The following SETDB1 variants were observed in gnomAD, a reference collection of about 807,000 sequenced individuals.
The protein encoded by SETDB1 is SET domain bifurcated histone lysine methyltransferase 1.
In SETDB1, 31 loss-of-function variants were observed where a neutral mutation model predicts 137.4. The ratio of observed to expected loss-of-function variants is 0.23; its 90% CI spans 0.17 to 0.30. The LOEUF (loss-of-function observed/expected upper bound fraction) is 0.30, where lower values mean the gene tolerates loss of function less well. Ranked by LOEUF, SETDB1 falls within the 10% of genes least tolerant of loss-of-function variation. The pLI, the probability that SETDB1 is intolerant of heterozygous loss-of-function variation, is 1.00. For synonymous variants in SETDB1, 548 were observed against 579.9 expected, an observed-to-expected ratio of 0.95 and a Z score of 0.79; for missense variants, 1,113 against 1,631.5, an observed-to-expected ratio of 0.68 and a Z score of 5.47.
At chr1:150,963,283 A>T (rs587775249) in intron 19 of SETDB1, 144 bp downstream of exon 19, 1 of 785,508 alleles carries the variant, frequency 1.3e-6, no homozygotes, top group African/African-American at 1.7e-5. Context: ...TCTGACTCCA[A>T]GCTAAACTAT....
At chr1:150,931,545 A>G (rs1669746487) in intron 3 of SETDB1, among the ~76,000 whole-genome samples, 1 of 151,108 alleles carries the variant, frequency 6.6e-6, no homozygotes, top group Non-Finnish European at 1.5e-5. Context: ...AAACCACACT[A>G]CTACATGTAT....
At chr1:150,936,954 A>G (rs1157146320) in intron 3 of SETDB1, among the ~76,000 whole-genome samples, 2 of 152,134 alleles carry the variant, frequency 1.3e-5, no homozygotes, top group Admixed American at 6.5e-5. Context: ...GCGAAATCCC[A>G]TCTCTACTAA....
chr1:150,957,087 G>A (rs11204749), intron 14 of SETDB1, among the ~76,000 whole-genome samples: 65,979 of 150,896 alleles, frequency 0.44, 15,081 homozygotes, highest in African/African-American at 0.55. Context: ...GCTGCACTAT[G>A]GTCTGGGTGA....
chr1:150,929,541 G>T (rs1669659452), intron 2 of SETDB1, among the ~76,000 whole-genome samples: 1 of 151,814 alleles, frequency 6.6e-6, no homozygotes, highest in Non-Finnish European at 1.5e-5. Context: ...ACCACACCCG[G>T]CTAATTTTTG....
chr1:150,963,071 GTGA>G lies in SETDB1; in HGVS notation c.3397_3399del (p.Asp1133del). 1 of 1,614,228 alleles carries G rather than the reference GTGA, an allele frequency of 6.2e-7. No individual in the cohort carries two copies. Among genetic ancestry groups the G allele is most frequent in the East Asian group, 2.2e-5 (1 of 44,888 alleles). ...CAGACTTCGGCTACAGCGGTTGACA[GTGA>G]TGATATCCAGACCATATCCTCTGGC... On this transcript the variant is annotated inframe_deletion, in exon 19 of 22. Coordinates refer to ENST00000692827, the MANE Select transcript of SETDB1 (RefSeq NM_001366418.1).
chr1:150,929,737 G>A (rs1408204054), intron 2 of SETDB1, among the ~76,000 whole-genome samples: 1 of 152,034 alleles, frequency 6.6e-6, no homozygotes, highest in Admixed American at 6.6e-5. Flanking sequence ...TGAAAGTACT[G>A]TACTTTGGGC....
chr1:150,941,472 T>G, intron 5 of SETDB1, 44 bp downstream of exon 5: 1 of 1,178,744 alleles, frequency 8.5e-7, no homozygotes, highest in Non-Finnish European at 1.3e-6. Context: ...AGGTGAATTC[T>G]TACAGAGATT....
At chr1:150,933,286 C>T (rs187609514) in intron 3 of SETDB1, among the ~76,000 whole-genome samples, 2 of 151,874 alleles carry the variant, frequency 1.3e-5, no homozygotes, top group East Asian at 3.9e-4. Context: ...TCTCGAACTC[C>T]TGAGCTCAGG....
chr1:150,946,839 C>G, intron 9 of SETDB1, 47 bp from the exon 10 acceptor site: 1 of 1,610,690 alleles, frequency 6.2e-7, no homozygotes, highest in Non-Finnish European at 8.5e-7. Context: ...AGGATAGATT[C>G]TAGCCTTTAA....
intron 10 of SETDB1, 72 bp downstream of exon 10, chr1:150,947,084 A>G (rs1050384159): frequency 1.1e-5 from 17 of 1,563,554 alleles, no homozygotes; most frequent in African/African-American, 1.4e-5. Context: ...TACAATGGCT[A>G]TCCTTTGATT....
In SETDB1 at chr1:150,927,883, C is replaced by A. The variant is rs1172601041; in HGVS notation, c.169C>A (p.Arg57Ser). ...GGAGAAGATGGATTGTGTACAGCAA[C>A]GCAAGAAGCAGCTAGCAGAGTTAGA... ...ELEKMDCVQQ[R>S]KKQLAELETW... is the part of the protein sequence containing the mutation. Residue 57 changes from arginine (R) to serine (S), a missense_variant, in exon 2 of 22, where the codon CGC (arginine) becomes AGC (serine). By Grantham distance (110) the Arg-to-Ser change is moderately radical. Transcript: ENST00000692827. The A allele has an allele frequency of 1.9e-6, 3 of 1,614,020 alleles. No individual in the cohort carries two copies. Among genetic ancestry groups the A allele is most frequent in the Non-Finnish European group, 2.5e-6 (3 of 1,180,044 alleles).
rs371494613 is a variant in SETDB1 at position 150,954,546 on chromosome 1, T to A, written c.2333+3065T>A. On this transcript the variant is annotated intron_variant, in intron 14 of 21. Coordinates refer to ENST00000692827, the MANE Select transcript of SETDB1 (RefSeq NM_001366418.1). ...AACATAATGAAGGATAAAGGTAGGT[T>A]CCCATTAAGAGACATTATCATAAAA... Among the ~76,000 whole-genome samples the A allele has an allele frequency of 3.3e-5, 5 of 151,840 alleles. No individual in the cohort carries two copies. In the East Asian group the frequency reaches 7.7e-4, roughly 23 times the overall value.
Position 150,932,088 on chromosome 1 carries a change from A to T in SETDB1, c.412+1970A>T, listed in dbSNP as rs180899469. ...GTTGCTGGATTGGATTTGCTGATTTAAAAAAAAAAGATCTTGGCTGGATGC... is the reference window on the plus strand; with the variant it reads ...GTTGCTGGATTGGATTTGCTGATTTTAAAAAAAAAGATCTTGGCTGGATGC... On this transcript the variant is annotated intron_variant, in intron 3 of 21. Coordinates refer to ENST00000692827, the MANE Select transcript of SETDB1 (RefSeq NM_001366418.1). Among the ~76,000 whole-genome samples the T allele has an allele frequency of 6.3e-4, 94 of 149,042 alleles. 1 individual carries two copies. The highest frequency in any genetic ancestry group is 2.3e-3 in the African/African-American group (94 of 40,716).
intron 3 of SETDB1, among the ~76,000 whole-genome samples, chr1:150,936,214 C>T (rs879463252): frequency 2.6e-5 from 4 of 152,152 alleles, no homozygotes; most frequent in African/African-American, 9.7e-5. Flanking sequence ...TGGTCTCGAT[C>T]TCCTGACCTC....
chr1:150,958,254 C>CTTTTTTTTTTTTTTTTTT (rs374122454), intron 14 of SETDB1, among the ~76,000 whole-genome samples: 18 of 94,066 alleles, frequency 1.9e-4, no homozygotes, highest in East Asian at 3.3e-4. Flanking sequence ...TTTCTTTTTT[C>CTTTTTTTTTTTTTTTTTT]TTTTTTTTTT....
chr1:150,933,767 CTTTTTCTTTTTCTTTTTTTTTTTTTTT>C (rs1424072090), intron 3 of SETDB1, among the ~76,000 whole-genome samples: 1 of 116,820 alleles, frequency 8.6e-6, no homozygotes, highest in Non-Finnish European at 1.8e-5. Flanking sequence ...TTTTCTTTTT[CTTTTTCTTTTTCTTTTTTTTTTTTTTT>C]TTTTTGAGAT....
rs764341148 is a variant in SETDB1, at chr1:150,963,652, C to T, written c.3583C>T (p.Arg1195Cys). 30 of 1,614,008 alleles carry T rather than the reference C, an allele frequency of 1.9e-5. No homozygotes were observed. The highest frequency in any genetic ancestry group is 4.5e-5 in the East Asian group (2 of 44,890). The change falls in exon 20 of 22, where the codon CGT (arginine) becomes TGT (cysteine). Residue 1195 changes from arginine to cysteine, a missense_variant. This residue lies in a region of SETDB1 where 373 missense variants were observed against 412.7 expected (regional missense o/e 0.90). Coordinates refer to ENST00000692827, the MANE Select transcript of SETDB1 (RefSeq NM_001366418.1). Reference sequence around the variant, plus strand: ...GGACAAGGGGGAGAGCGCACCTGTTCGTAAGAACACACGCCAATTCTATGA... The same window carrying T: ...GGACAAGGGGGAGAGCGCACCTGTTTGTAAGAACACACGCCAATTCTATGA... ...SVDKGESAPV[R>C]KNTRQFYDGE...
At chr1:150,941,610 T>C (rs1015211314) in intron 5 of SETDB1, among the ~76,000 whole-genome samples, 182 bp downstream of exon 5, 1 of 152,222 alleles carries the variant, frequency 6.6e-6, no homozygotes, top group African/African-American at 2.4e-5. Context: ...CAATACCTCT[T>C]TAGCGTCCTA....
At chr1:150,957,034 T>G (rs1418591841) in intron 14 of SETDB1, among the ~76,000 whole-genome samples, 1 of 151,940 alleles carries the variant, frequency 6.6e-6, no homozygotes, top group East Asian at 1.9e-4. Flanking sequence ...GGAGGATCAC[T>G]TGAGCCCAGG....
Sources: allele counts gnomAD v4.1 joint callset (sites outside exome capture counted in the v4.1 genomes callset), GRCh38; gene constraint gnomAD v4.1.1; regional missense constraint gnomAD v4.1.1; transcripts MANE v1.5; gene names NCBI Gene and HGNC (gene_info 2026-07-23, HGNC 2026-07-21).